PLAC1: variants seen among roughly 807,000 people sequenced by gnomAD.
The protein encoded by PLAC1 is placenta associated 1, also known as placenta-specific protein 1.
For synonymous variants in PLAC1, 68 were observed against 62.1 expected (o/e 1.09, Z -0.44); for missense variants, 136 against 163.2 (o/e 0.83, Z 0.91).
chrX:134,658,828 G>A (rs942456717), upstream of PLAC1, among the ~76,000 whole-genome samples: 3 of 112,003 alleles, frequency 2.7e-5, no homozygotes, highest in African/African-American at 9.7e-5. Flanking sequence ...AGTGCTTGCT[G>A]TTGCCAAGGC....
At chrX:134,733,907 G>A (rs2078695934) in intron 1 of PLAC1, among the ~76,000 whole-genome samples, 1 of 111,651 alleles carries the variant, frequency 9.0e-6, no homozygotes, top group Admixed American at 9.5e-5. Context: ...GATGTTTGCA[G>A]ACCGATGTGA....
At chrX:134,590,953 TAC>T (rs1287686102) in intron 2 of PLAC1, among the ~76,000 whole-genome samples, 1 of 102,026 alleles carries the variant, frequency 9.8e-6, no homozygotes, top group Non-Finnish European at 2.0e-5. Context: ...AGTTGTCAGA[TAC>T]AGAGTTGGGG....
intron 2 of PLAC1, among the ~76,000 whole-genome samples, chrX:134,686,729 T>C (rs2078518370): frequency 8.9e-6 from 1 of 111,807 alleles, no homozygotes; most frequent in Non-Finnish European, 1.9e-5. Context: ...CTGCCATGTG[T>C]TCAGGGCCAG....
chrX:134,724,965 G>A (rs770184943), intron 2 of PLAC1, among the ~76,000 whole-genome samples: 101 of 108,943 alleles, frequency 9.3e-4, no homozygotes, highest in African/African-American at 3.3e-3. Flanking sequence ...TCGTGCCACT[G>A]CATTCCAGCC....
At chrX:134,697,743 C>T in intron 2 of PLAC1, among the ~76,000 whole-genome samples, 1 of 111,776 alleles carries the variant, frequency 8.9e-6, no homozygotes, top group Non-Finnish European at 1.9e-5. Flanking sequence ...TGGCGCGTGC[C>T]TGTAGTCCCA....
At chrX:134,621,795 C>T (rs1171401033) in intron 1 of PLAC1, among the ~76,000 whole-genome samples, 1 of 111,944 alleles carries the variant, frequency 8.9e-6, no homozygotes, top group Non-Finnish European at 1.9e-5. Context: ...CACTGGATTA[C>T]TGCTTTAAGC....
rs752917535 is a variant in PLAC1, at chrX:134,572,465, C to T, written c.-58-5725G>A. 2.6e-3 allele frequency among the ~76,000 whole-genome samples: 293 copies of T among 111,961 alleles called. 1 individual carries two copies. The highest frequency in any genetic ancestry group is 4.0e-3 in the Non-Finnish European group (211 of 53,176). ...CGCTGAGACCGGTTTAGTTTTCCAA[C>T]CTCATGAAGCACAGTGTTAAAGTAA... On this transcript the variant is annotated intron_variant, in intron 2 of 2. Coordinates refer to ENST00000359237, the MANE Select transcript of PLAC1 (RefSeq NM_021796.4).
At chrX:134,619,034 A>T (rs1378669962) in intron 1 of PLAC1, among the ~76,000 whole-genome samples, 2 of 112,352 alleles carry the variant, frequency 1.8e-5, no homozygotes, top group Non-Finnish European at 3.8e-5. Flanking sequence ...TCCCATGGGT[A>T]CCTATCCTTC....
chrX:134,604,756 C>T (rs981908038), intron 1 of PLAC1, among the ~76,000 whole-genome samples: 1 of 111,164 alleles, frequency 9.0e-6, no homozygotes, highest in Non-Finnish European at 1.9e-5. Context: ...TGCCCCTCAT[C>T]GCACAAGGTC....
intron 2 of PLAC1, among the ~76,000 whole-genome samples, chrX:134,567,512 C>G (rs1008706326): frequency 2.7e-5 from 3 of 111,332 alleles, no homozygotes; most frequent in Non-Finnish European, 5.7e-5. Context: ...TCCCAGCATT[C>G]TAGGAAGCCA....
intron 1 of PLAC1, among the ~76,000 whole-genome samples, chrX:134,735,394 T>G: frequency 9.1e-6 from 1 of 109,779 alleles, no homozygotes; most frequent in African/African-American, 3.3e-5. Context: ...TCTACTCCAC[T>G]TACTTGTGTG....
intron 1 of PLAC1, among the ~76,000 whole-genome samples, chrX:134,618,779 T>C (rs1185353956): frequency 9.0e-6 from 1 of 111,410 alleles, no homozygotes; most frequent in Non-Finnish European, 1.9e-5. Flanking sequence ...AGATGAAAAC[T>C]GAGGCTCAGA....
Position 134,565,941 on chromosome X carries a change from A to G in PLAC1, c.*103T>C. 1 of 656,021 alleles carries G rather than the reference A, an allele frequency of 1.5e-6. No homozygotes were observed. Among genetic ancestry groups the G allele is most frequent in the Non-Finnish European group, 2.3e-6 (1 of 432,423 alleles). The allele number at this position is 656,021 out of a possible 1,213,427, so 54.1% of individuals were successfully genotyped here. ...AGTTGCTATAGGTTTCTCTTTCTCA[A>G]AAGTGCTCACATGAGGGTCACAAGA... On this transcript the variant is annotated 3_prime_UTR_variant, in exon 3 of 3. Transcript: ENST00000359237.
At chrX:134,600,917 C>A (rs759776145) in intron 2 of PLAC1, 1 of 111,593 alleles carries the variant, frequency 9.0e-6, no homozygotes, top group Non-Finnish European at 1.9e-5. Context: ...CACGGTGGTG[C>A]AATCACAGCT....
intron 2 of PLAC1, among the ~76,000 whole-genome samples, chrX:134,589,263 A>T (rs917653649): frequency 9.0e-6 from 1 of 111,082 alleles, no homozygotes; most frequent in South Asian, 3.8e-4. Context: ...AGTATGGGGG[A>T]TGGAAATCGT....
chrX:134,571,290 G>A (rs192669641), intron 2 of PLAC1, among the ~76,000 whole-genome samples: 1 of 112,258 alleles, frequency 8.9e-6, no homozygotes, highest in Non-Finnish European at 1.9e-5. Flanking sequence ...AGTGTTCTAT[G>A]TATACATGTA....
intron 1 of PLAC1, among the ~76,000 whole-genome samples, chrX:134,648,909 G>A (rs2078347995): frequency 9.0e-6 from 1 of 111,116 alleles, no homozygotes; most frequent in African/African-American, 3.3e-5. Flanking sequence ...GAATTTTGTG[G>A]GCCAGTTTGT....
At chrX:134,580,410 T>C (rs1428145096) in intron 2 of PLAC1, among the ~76,000 whole-genome samples, 1 of 112,075 alleles carries the variant, frequency 8.9e-6, no homozygotes, top group Non-Finnish European at 1.9e-5. Context: ...TTAGCTTCCT[T>C]TTATGGAAGA....
chrX:134,687,882 C>T (rs2078523731), intron 2 of PLAC1, among the ~76,000 whole-genome samples: 1 of 71,820 alleles, frequency 1.4e-5, no homozygotes, highest in African/African-American at 5.9e-5. Context: ...CCTAGCACAA[C>T]GTCTGACACA....
Sources: allele counts gnomAD v4.1 joint callset (sites outside exome capture counted in the v4.1 genomes callset), GRCh38; gene constraint gnomAD v4.1.1; transcripts MANE v1.5; gene names NCBI Gene and HGNC (gene_info 2026-07-23, HGNC 2026-07-21).